The following DAB1 variants were observed in gnomAD, a reference collection of about 807,000 sequenced individuals.
The protein encoded by DAB1 is DAB adaptor protein 1.
In DAB1, 15 loss-of-function variants were observed where a neutral mutation model predicts 64.6. That is an observed-to-expected ratio of 0.23 (90% CI 0.16 to 0.36). The LOEUF is 0.36. Among genes scored for constraint, DAB1 ranks in the 10% least tolerant of loss-of-function variants. The pLI, the probability that DAB1 is intolerant of heterozygous loss-of-function variation, is 1.00. For synonymous variants in DAB1, 235 were observed against 251.9 expected, an observed-to-expected ratio of 0.93 and a Z score of 0.64; for missense variants, 596 against 706.7, an observed-to-expected ratio of 0.84 and a Z score of 1.78.
At chr1:58,185,218 C>T (rs1376614909) in intron 4 of DAB1, among the ~76,000 whole-genome samples, 1 of 152,116 alleles carries the variant, frequency 6.6e-6, no homozygotes, top group Non-Finnish European at 1.5e-5. Context: ...GTAACCCTTC[C>T]TATGGTCTAA....
intron 4 of DAB1, among the ~76,000 whole-genome samples, chr1:58,300,194 A>G (rs1569618755): frequency 6.6e-6 from 1 of 152,182 alleles, no homozygotes; most frequent in African/African-American, 2.4e-5. Flanking sequence ...CAAGGGCCCT[A>G]GCACAGTGAA....
intron 7 of DAB1, among the ~76,000 whole-genome samples, chr1:57,641,412 C>T (rs546082700): frequency 1.0e-3 from 108 of 106,316 alleles, no homozygotes; most frequent in African/African-American, 3.8e-3. Context: ...GAGACGGAGT[C>T]TCGCTCTGTC....
At chr1:58,208,839 T>C (rs1658413095) in intron 4 of DAB1, among the ~76,000 whole-genome samples, 2 of 152,192 alleles carry the variant, frequency 1.3e-5, no homozygotes, top group South Asian at 2.1e-4. Context: ...TAGATCTACC[T>C]TTAGTTTTTA....
At chr1:58,033,396 C>T (rs573867938) in intron 5 of DAB1, among the ~76,000 whole-genome samples, 10 of 152,302 alleles carry the variant, frequency 6.6e-5, no homozygotes, top group South Asian at 6.2e-4. Flanking sequence ...CATACAACTT[C>T]ACGGTTCCTT....
intron 3 of DAB1, among the ~76,000 whole-genome samples, chr1:58,388,037 C>G (rs6692286): frequency 0.1 from 15,949 of 152,178 alleles, 922 homozygotes; most frequent in Middle Eastern, 0.17. Context: ...AGGAGGGCAT[C>G]TTAAGACAAT....
chr1:58,466,314 G>C (rs1366293517), intron 3 of DAB1, among the ~76,000 whole-genome samples: 1 of 152,038 alleles, frequency 6.6e-6, no homozygotes, highest in Non-Finnish European at 1.5e-5. Flanking sequence ...CGGGAGTCAG[G>C]TCTGCATCAT....
chr1:58,199,135 T>G (rs1657857654), intron 4 of DAB1, among the ~76,000 whole-genome samples: 1 of 151,974 alleles, frequency 6.6e-6, no homozygotes, highest in Non-Finnish European at 1.5e-5. Flanking sequence ...ACAAATGTAC[T>G]GGAACTGCCT....
At chr1:58,175,095 T>C (rs1656393457) in intron 4 of DAB1, among the ~76,000 whole-genome samples, 2 of 152,252 alleles carry the variant, frequency 1.3e-5, no homozygotes, top group Admixed American at 6.5e-5. Flanking sequence ...GCTTTGTTCT[T>C]TCACTCTTCA....
At chr1:58,007,973 G>A (rs11809164) in intron 5 of DAB1, among the ~76,000 whole-genome samples, 3,636 of 152,144 alleles carry the variant, frequency 0.024, 69 homozygotes, top group South Asian at 0.064. Context: ...AATCTTCTAC[G>A]TGTCAAGCAC....
At chr1:58,497,735 T>C (rs1466310314) in intron 3 of DAB1, among the ~76,000 whole-genome samples, 1 of 152,150 alleles carries the variant, frequency 6.6e-6, no homozygotes, top group Non-Finnish European at 1.5e-5. Context: ...CTGGAAACTC[T>C]TATCAACAAA....
chr1:57,050,495 C>A (rs540710875), intron 9 of DAB1, among the ~76,000 whole-genome samples: 1 of 152,322 alleles, frequency 6.6e-6, no homozygotes, highest in Admixed American at 6.5e-5. Flanking sequence ...GTCATCAGCC[C>A]GTGTGACATG....
intron 5 of DAB1, among the ~76,000 whole-genome samples, chr1:57,967,631 T>C (rs1557584851): frequency 1.3e-5 from 2 of 152,218 alleles, no homozygotes; most frequent in African/African-American, 4.8e-5. Context: ...AGCTCTAGAA[T>C]CTAACTGGGT....
chr1:57,713,293 G>C (rs1647047598), intron 6 of DAB1, among the ~76,000 whole-genome samples: 1 of 152,170 alleles, frequency 6.6e-6, no homozygotes, highest in Non-Finnish European at 1.5e-5. Context: ...GAGTGGTAGG[G>C]AGAAAAAAGT....
intron 1 of DAB1, among the ~76,000 whole-genome samples, chr1:58,535,562 G>A (rs1646503144): frequency 7.3e-6 from 1 of 136,166 alleles, no homozygotes; most frequent in Non-Finnish European, 1.5e-5. Context: ...CACCACTGCA[G>A]TACAGCCTGG....
chr1:58,392,996 T>C (rs11207217), intron 3 of DAB1, among the ~76,000 whole-genome samples: 43,514 of 151,810 alleles, frequency 0.29, 6,814 homozygotes, highest in East Asian at 0.43. Flanking sequence ...TCGGTCAGAG[T>C]TGGGATTGGT....
At chr1:58,224,980 G>A (rs1303348262) in intron 4 of DAB1, among the ~76,000 whole-genome samples, 1 of 152,156 alleles carries the variant, frequency 6.6e-6, no homozygotes, top group African/African-American at 2.4e-5. Context: ...TTAAACTAAA[G>A]AGCTTCTGCA....
At chr1:57,263,539 A>G (rs747118802) in intron 2 of DAB1, among the ~76,000 whole-genome samples, 84 of 152,328 alleles carry the variant, frequency 5.5e-4, no homozygotes, top group African/African-American at 1.9e-3. Context: ...AATAGCCCCA[A>G]TGGTGGCTGT....
chr1:57,983,338 C>G (rs1646112920), intron 5 of DAB1, among the ~76,000 whole-genome samples: 1 of 152,108 alleles, frequency 6.6e-6, no homozygotes, highest in African/African-American at 2.4e-5. Context: ...GGTCTCTTCC[C>G]AAACATAGGA....
chr1:57,555,391 G>GT (rs11303581), intron 7 of DAB1, among the ~76,000 whole-genome samples: 28,787 of 128,648 alleles, frequency 0.22, 3,167 homozygotes, highest in Non-Finnish European at 0.26. Flanking sequence ...CTGTCTCTGG[G>GT]TTTTTTTTTT....
Sources: allele counts gnomAD v4.1 joint callset (sites outside exome capture counted in the v4.1 genomes callset), GRCh38; gene constraint gnomAD v4.1.1; transcripts MANE v1.5; gene names NCBI Gene and HGNC (gene_info 2026-07-23, HGNC 2026-07-21).